The following ADAMTS6 variants were observed in gnomAD, a reference collection of about 807,000 sequenced individuals.
ADAMTS6 encodes the protein ADAM metallopeptidase with thrombospondin type 1 motif 6.
ADAMTS6 carries 23 observed loss-of-function variants against 144.3 expected under a neutral mutation model. The observed-to-expected ratio is 0.16, with a 90% confidence interval of 0.11 to 0.23. The LOEUF is 0.23. Among genes scored for constraint, ADAMTS6 ranks in the 10% least tolerant of loss-of-function variants. The probability of loss-of-function intolerance (pLI) is 1.00; values close to 1 mark genes in which losing one functional copy is unlikely to be tolerated. For synonymous variants in ADAMTS6, 444 were observed against 457.5 expected, an observed-to-expected ratio of 0.97 and a Z score of 0.38; for missense variants, 999 against 1,379.6, an observed-to-expected ratio of 0.72 and a Z score of 4.37.
At chr5:65,407,008 C>A (rs895774252) in intron 7 of ADAMTS6, among the ~76,000 whole-genome samples, 26 of 152,034 alleles carry the variant, frequency 1.7e-4, no homozygotes, top group Admixed American at 4.6e-4. Flanking sequence ...TCTACGTCTG[C>A]TTGGTGTACC....
At chr5:65,359,648 A>T (rs76794337) in intron 7 of ADAMTS6, among the ~76,000 whole-genome samples, 2 of 152,216 alleles carry the variant, frequency 1.3e-5, no homozygotes, top group East Asian at 1.9e-4. Flanking sequence ...TAATGAAAAC[A>T]TTCTACATAA....
intron 8 of ADAMTS6, among the ~76,000 whole-genome samples, chr5:65,332,300 TATATATATATATAG>T (rs1411222160): frequency 9.6e-5 from 11 of 114,444 alleles, no homozygotes; most frequent in Non-Finnish European, 2.0e-5. Flanking sequence ...TATATATATA[TATATATATATATAG>T]AGAGAGAGAG....
chr5:65,418,904 G>C (rs1191809185), intron 7 of ADAMTS6, among the ~76,000 whole-genome samples: 2 of 152,078 alleles, frequency 1.3e-5, no homozygotes, highest in Non-Finnish European at 2.9e-5. Context: ...AACAACAAAT[G>C]CTGGCATGCT....
At chr5:65,307,250 T>C (rs894551475) in intron 9 of ADAMTS6, among the ~76,000 whole-genome samples, 2 of 152,228 alleles carry the variant, frequency 1.3e-5, no homozygotes, top group Non-Finnish European at 2.9e-5. Context: ...TTTTTAAGCC[T>C]ATGTGTATAG....
At chr5:65,322,417 T>C (rs1745705135) in intron 9 of ADAMTS6, among the ~76,000 whole-genome samples, 1 of 152,200 alleles carries the variant, frequency 6.6e-6, no homozygotes, top group African/African-American at 2.4e-5. Context: ...AGAATATCAA[T>C]GGTAGCTTAA....
At chr5:65,346,670 GA>G (rs1248270933) in intron 7 of ADAMTS6, among the ~76,000 whole-genome samples, 1 of 151,252 alleles carries the variant, frequency 6.6e-6, no homozygotes, top group African/African-American at 2.4e-5. Flanking sequence ...AAAAGAACAA[GA>G]AAAAAATAAA....
intron 2 of ADAMTS6, among the ~76,000 whole-genome samples, chr5:65,472,746 GAC>G (rs1370402827): frequency 8.5e-5 from 13 of 152,058 alleles, no homozygotes; most frequent in Admixed American, 6.5e-4. Flanking sequence ...TAAATTCAAA[GAC>G]AGTGTTTATT....
chr5:65,159,144 T>C (rs1390908457), intron 24 of ADAMTS6, among the ~76,000 whole-genome samples: 3 of 152,104 alleles, frequency 2.0e-5, no homozygotes, highest in African/African-American at 7.2e-5. Flanking sequence ...CCTTTCATTT[T>C]ATTATTTTCC....
chr5:65,393,696 T>C (rs1465021414), intron 7 of ADAMTS6, among the ~76,000 whole-genome samples: 2 of 152,340 alleles, frequency 1.3e-5, no homozygotes, highest in East Asian at 3.9e-4. Context: ...TTTTTTTCTA[T>C]TTAATATGAG....
intron 9 of ADAMTS6, among the ~76,000 whole-genome samples, chr5:65,313,350 T>C (rs530779795): frequency 6.7e-4 from 102 of 152,242 alleles, no homozygotes; most frequent in African/African-American, 2.4e-3. Flanking sequence ...TTGTTTTAGC[T>C]ATGTTTTAGC....
chr5:65,308,202 A>T (rs1333775285), intron 9 of ADAMTS6, among the ~76,000 whole-genome samples: 1 of 152,212 alleles, frequency 6.6e-6, no homozygotes, highest in Non-Finnish European at 1.5e-5. Flanking sequence ...TAGCATAGGA[A>T]CACATGGTTG....
At chr5:65,453,677 TA>T (rs1172407110) in intron 4 of ADAMTS6, among the ~76,000 whole-genome samples, 4 of 152,190 alleles carry the variant, frequency 2.6e-5, no homozygotes, top group African/African-American at 9.7e-5. Flanking sequence ...ATGGCATTTG[TA>T]AACACCTGCC....
intron 7 of ADAMTS6, among the ~76,000 whole-genome samples, chr5:65,346,100 A>T (rs1375994785): frequency 6.6e-6 from 1 of 151,938 alleles, no homozygotes; most frequent in African/African-American, 2.4e-5. Context: ...AAAGTTTTCC[A>T]AAAGATTGAA....
intron 20 of ADAMTS6, among the ~76,000 whole-genome samples, chr5:65,212,841 C>A (rs1756635218): frequency 6.6e-6 from 1 of 152,194 alleles, no homozygotes; most frequent in Admixed American, 6.5e-5. Context: ...TAACTTTAGA[C>A]TATCCTTATT....
At chr5:65,261,699 G>C (rs1056225113) in intron 13 of ADAMTS6, among the ~76,000 whole-genome samples, 1 of 152,152 alleles carries the variant, frequency 6.6e-6, no homozygotes, top group Non-Finnish European at 1.5e-5. Flanking sequence ...ACAAAAACAA[G>C]ATAGTGGGGA....
In ADAMTS6 at chr5:65,161,445, T is replaced by C. The variant is rs759383452; in HGVS notation, c.3244+9172A>G. 1.5e-3 allele frequency among the ~76,000 whole-genome samples: 225 copies of C among 152,236 alleles called. 3 individuals are homozygous for C. Among genetic ancestry groups the C allele is most frequent in the Non-Finnish European group, 3.5e-4 (24 of 68,046 alleles). On this transcript the variant is annotated intron_variant, in intron 24 of 24. Coordinates refer to ENST00000381055, the MANE Select transcript of ADAMTS6 (RefSeq NM_197941.4). ...TATTCACTTTTCCCAAGGTACACACTGGGTTTTTCCAACTATGTGTTATAT... is the reference window on the plus strand; with the variant it reads ...TATTCACTTTTCCCAAGGTACACACCGGGTTTTTCCAACTATGTGTTATAT...
chr5:65,363,562 T>G (rs1750025030), intron 7 of ADAMTS6, among the ~76,000 whole-genome samples: 2 of 152,198 alleles, frequency 1.3e-5, no homozygotes, highest in Admixed American at 1.3e-4. Context: ...TTAATTCATT[T>G]CAGACCAATA....
intron 7 of ADAMTS6, among the ~76,000 whole-genome samples, chr5:65,335,742 TAAATA>T (rs1395959863): frequency 6.6e-6 from 1 of 152,042 alleles, no homozygotes; most frequent in Non-Finnish European, 1.5e-5. Context: ...GAAAAAAGAT[TAAATA>T]AAATAAATGT....
Position 65,224,327 on chromosome 5 carries a change from G to A in ADAMTS6, c.2265C>T (p.Asn755=). ...CATACCAGTCTAACATACCAATATA[G>A]TTCTTTGACATGGCAACTTCTCTAA... ...IEVREVAMSK[N]YIALKSEGDD... Residue 755 remains asparagine (N), a synonymous_variant, in exon 18 of 25, where the codon AAC becomes AAT. Transcript: ENST00000381055. The A allele has an allele frequency of 6.8e-6, 11 of 1,613,722 alleles. No homozygotes were observed. Among genetic ancestry groups the A allele is most frequent in the Non-Finnish European group, 9.3e-6 (11 of 1,179,786 alleles).
Sources: gnomAD v4.1 joint callset for allele counts (sites outside exome capture counted in the v4.1 genomes callset) on GRCh38, gnomAD v4.1.1 for gene constraint, MANE v1.5 for transcripts, NCBI Gene and HGNC (gene_info 2026-07-23, HGNC 2026-07-21) for gene names.